Variants in DPY19L4 observed in about 807,000 individuals in gnomAD.
DPY19L4 encodes the protein probable C-mannosyltransferase DPY19L4.
In DPY19L4, 97 loss-of-function variants were observed where a neutral mutation model predicts 102.8. The ratio of observed to expected loss-of-function variants is 0.94; its 90% confidence interval spans 0.80 to 1.12. DPY19L4 has a LOEUF of 1.12. Ranked by LOEUF, DPY19L4 falls within the 50% of genes most tolerant of loss-of-function variation. The pLI, the probability that DPY19L4 is intolerant of heterozygous loss-of-function variation, is 0.00. For missense variants in DPY19L4, 815 were observed against 850.4 expected (o/e 0.96, Z 0.52); for synonymous variants, 252 against 283.1 (o/e 0.89, Z 1.10).
At chr8:94,765,847 T>C (rs749473600) in intron 10 of DPY19L4, 38 bp downstream of exon 10, 9 of 1,234,210 alleles carry the variant, frequency 7.3e-6, no homozygotes, top group Non-Finnish European at 1.0e-5. Flanking sequence ...TAAAACAAAA[T>C]GAATAATGAA....
At chr8:94,742,348 A>C (rs1231006512) in intron 6 of DPY19L4, among the ~76,000 whole-genome samples, 1 of 151,212 alleles carries the variant, frequency 6.6e-6, no homozygotes, top group Non-Finnish European at 1.5e-5. Context: ...ACAGAGCGAG[A>C]CTCCGTCTCA....
chr8:94,777,864 A>T, intron 14 of DPY19L4, 78 bp downstream of exon 14: 3 of 1,453,688 alleles, frequency 2.1e-6, no homozygotes, highest in Non-Finnish European at 2.8e-6. Flanking sequence ...CATTGAATAC[A>T]ATTGAAATAG....
In DPY19L4 at chr8:94,755,084, G is replaced by A. The variant is rs548308188; in HGVS notation, c.612-952G>A. ...ATTACAGGCATGATCCACCGTGCCC[G>A]GCCTGACATTCCTATATTTCTGATT... is the stretch of plus-strand genomic sequence containing the variant. On this transcript the variant is annotated intron_variant, in intron 6 of 18. Transcript: ENST00000414645. Among the ~76,000 whole-genome samples the A allele has an allele frequency of 1.5e-3, 231 of 152,162 alleles. 1 individual carries two copies. Among genetic ancestry groups the A allele is most frequent in the Non-Finnish European group, 2.6e-3 (180 of 68,000 alleles).
At chr8:94,749,428 G>A (rs546736368) in intron 6 of DPY19L4, among the ~76,000 whole-genome samples, 19 of 152,298 alleles carry the variant, frequency 1.2e-4, no homozygotes, top group East Asian at 1.2e-3. Context: ...GTCCAGCCAC[G>A]AGAGCACACT....
At chr8:94,761,316 A>C (rs926076912) in intron 7 of DPY19L4, among the ~76,000 whole-genome samples, 3 of 152,242 alleles carry the variant, frequency 2.0e-5, no homozygotes, top group Non-Finnish European at 2.9e-5. Context: ...TTTCACAGCA[A>C]AAGGAGTTGC....
chr8:94,736,660 CTATTA>C (rs1310021945), intron 3 of DPY19L4, among the ~76,000 whole-genome samples: 1 of 152,074 alleles, frequency 6.6e-6, no homozygotes, highest in Non-Finnish European at 1.5e-5. Context: ...GTGATTTTTA[CTATTA>C]TATTCTTAGT....
chr8:94,768,958 C>T (rs1178019697), intron 12 of DPY19L4, among the ~76,000 whole-genome samples: 3 of 148,566 alleles, frequency 2.0e-5, no homozygotes, highest in Non-Finnish European at 4.4e-5. Context: ...GGTTGTGAGC[C>T]GAGATTGCAC....
intron 2 of DPY19L4, among the ~76,000 whole-genome samples, chr8:94,730,701 C>T (rs1329978996): frequency 3.4e-5 from 5 of 148,404 alleles, no homozygotes; most frequent in African/African-American, 1.2e-4. Flanking sequence ...GTCGAGATCA[C>T]GCCATTGCAC....
chr8:94,719,973 A>G lies in DPY19L4; in HGVS notation c.-26A>G. ...AGAGTCTGGGCCGCGCGGGAGCCGCAGGGCGCCCTAGCCTTCGCAGAAACG... is the reference window on the plus strand; with the variant it reads ...AGAGTCTGGGCCGCGCGGGAGCCGCGGGGCGCCCTAGCCTTCGCAGAAACG... On this transcript the variant is annotated 5_prime_UTR_variant, in exon 1 of 19. Transcript: ENST00000414645. The G allele has an allele frequency of 1.3e-6, 2 of 1,510,118 alleles. No individual in the cohort carries two copies. Among genetic ancestry groups the G allele is most frequent in the Admixed American group, 2.2e-5 (1 of 45,822 alleles). The allele number at this position is 1,510,118 out of a possible 1,614,324, so 93.5% of individuals were successfully genotyped here.
At chr8:94,771,781 A>G (rs79722119) in intron 13 of DPY19L4, among the ~76,000 whole-genome samples, 5,256 of 152,242 alleles carry the variant, frequency 0.035, 112 homozygotes, top group Admixed American at 0.04. Context: ...CACAGGGAGC[A>G]TGTGGCAGGC....
Position 94,739,267 on chromosome 8 carries a change from A to G in DPY19L4, c.344-146A>G, listed in dbSNP as rs1811328346. The G allele has an allele frequency of 3.1e-6, 3 of 980,630 alleles. No individual in the cohort carries two copies. The East Asian group carries it at 8.5e-5, about 28-fold the overall frequency. The allele number at this position is 980,630 out of a possible 1,614,324, so 60.7% of individuals were successfully genotyped here. On this transcript the variant is annotated intron_variant, in intron 4 of 18. Coordinates refer to ENST00000414645, the MANE Select transcript of DPY19L4 (RefSeq NM_181787.3). Reference sequence around the variant, plus strand: ...TATAGATATTTCTCTTTATTGTGCTAAATTTTTAAAAAATGGAAAATGCAG... The same window carrying G: ...TATAGATATTTCTCTTTATTGTGCTGAATTTTTAAAAAATGGAAAATGCAG...
chr8:94,748,585 C>T (rs934428908), intron 6 of DPY19L4, among the ~76,000 whole-genome samples: 1 of 152,084 alleles, frequency 6.6e-6, no homozygotes, highest in African/African-American at 2.4e-5. Context: ...CCTGGCCTCA[C>T]AGCAGGAGGT....
In DPY19L4 at chr8:94,734,336, C is replaced by CT. The variant is rs571989569; in HGVS notation, c.128-288dup. ...TGCCACCATGCCCAGCCCCTAATGT[C>CT]TTTTTTCTGTCCCAGTATCCCATCC... On this transcript the variant is annotated intron_variant, in intron 2 of 18. Coordinates refer to ENST00000414645, the MANE Select transcript of DPY19L4 (RefSeq NM_181787.3). Among the ~76,000 whole-genome samples the CT allele has an allele frequency of 1.2e-4, 18 of 152,232 alleles. 1 individual carries two copies. The South Asian group carries it at 3.3e-3, about 28-fold the overall frequency.
intron 13 of DPY19L4, among the ~76,000 whole-genome samples, chr8:94,774,458 G>A (rs568387474): frequency 1.3e-5 from 2 of 152,220 alleles, no homozygotes; most frequent in South Asian, 2.1e-4. Flanking sequence ...ACACATTGTT[G>A]TACAACAGAT....
intron 4 of DPY19L4, among the ~76,000 whole-genome samples, 200 bp downstream of exon 4, chr8:94,738,659 A>G (rs1198903508): frequency 6.6e-6 from 1 of 151,478 alleles, no homozygotes. Flanking sequence ...GATTAAAGGC[A>G]TGCACCACCA....
chr8:94,742,846 C>T (rs911011659), intron 6 of DPY19L4, among the ~76,000 whole-genome samples: 1 of 151,880 alleles, frequency 6.6e-6, no homozygotes, highest in African/African-American at 2.4e-5. Flanking sequence ...GTGTGAGCCA[C>T]CGCGCCCGGC....
intron 8 of DPY19L4, among the ~76,000 whole-genome samples, chr8:94,764,853 C>T (rs139117629): frequency 7.6e-4 from 113 of 148,536 alleles, no homozygotes; most frequent in African/African-American, 2.6e-3. Context: ...CTCAGCCTCC[C>T]GAGTGGCTGG....
intron 6 of DPY19L4, 44 bp from the exon 7 acceptor site, chr8:94,755,992 A>G: frequency 6.4e-7 from 1 of 1,573,312 alleles, no homozygotes. Context: ...GTGTAACACA[A>G]ATATAATGTC....
intron 4 of DPY19L4, 44 bp downstream of exon 4, chr8:94,738,503 T>C: frequency 1.6e-6 from 2 of 1,244,806 alleles, no homozygotes; most frequent in Non-Finnish European, 2.2e-6. Context: ...TATTTTCCTT[T>C]TTCTTTTCTT....
Sources: gnomAD v4.1 joint callset for allele counts (sites outside exome capture counted in the v4.1 genomes callset) on GRCh38, gnomAD v4.1.1 for gene constraint, MANE v1.5 for transcripts, NCBI Gene and HGNC (gene_info 2026-07-23, HGNC 2026-07-21) for gene names.